The following DYNC2H1 variants were observed in gnomAD, a reference collection of about 807,000 sequenced individuals.
The protein encoded by DYNC2H1 is cytoplasmic dynein 2 heavy chain 1.
DYNC2H1 carries 410 observed loss-of-function variants against 570.0 expected under a neutral mutation model. The observed-to-expected ratio is 0.72, with a 90% CI of 0.66 to 0.78. DYNC2H1 has a LOEUF of 0.78. Ranked by LOEUF, DYNC2H1 falls within the 30% of genes least tolerant of loss-of-function variation. The probability of loss-of-function intolerance (pLI) is 0.00; values close to 1 mark genes in which losing one functional copy is unlikely to be tolerated. For synonymous variants in DYNC2H1, 1,688 were observed against 1,677.6 expected (o/e 1.01, Z -0.15); for missense variants, 4,865 against 5,046.4 (o/e 0.96, Z 1.09).
intron 79 of DYNC2H1, among the ~76,000 whole-genome samples, chr11:103,314,509 A>G (rs961377267): frequency 6.6e-6 from 1 of 152,068 alleles, no homozygotes; most frequent in Admixed American, 6.6e-5. Context: ...ATCCCTATGC[A>G]TGCTTCATTT....
rs760689497 is a variant in DYNC2H1, at chr11:103,259,620, A to G, written c.10606-268A>G. Among the ~76,000 whole-genome samples the G allele has an allele frequency of 9.3e-4, 142 of 152,248 alleles. 1 individual carries two copies. Among genetic ancestry groups the G allele is most frequent in the Non-Finnish European group, 1.2e-3 (82 of 67,978 alleles). On this transcript the variant is annotated intron_variant, in intron 69 of 88. Coordinates refer to ENST00000375735, the MANE Select transcript of DYNC2H1 (RefSeq NM_001377.3). ...GATAGTATTTTAATGCTGATAGGAG[A>G]CTGATATAAAATTCAACTTATATTG...
chr11:103,330,175 C>T (rs963667518), intron 82 of DYNC2H1, among the ~76,000 whole-genome samples: 11 of 152,158 alleles, frequency 7.2e-5, no homozygotes, highest in African/African-American at 2.7e-4. Flanking sequence ...CCCACTGCCA[C>T]GTAAGTGGTA....
At position 103,201,238 on chromosome 11, in the gene DYNC2H1, T is replaced by C. The variant is rs1026722890; in HGVS notation, c.8197+1084T>C. ...AAAAATACCACTTGAAAGAGGACTA[T>C]CTTAATACAAATACTCTCTAGAAAT... On this transcript the variant is annotated intron_variant, in intron 50 of 88. Coordinates refer to ENST00000375735, the MANE Select transcript of DYNC2H1 (RefSeq NM_001377.3). This position sits in a 1 kb window ranked among gnomAD's most constrained non-coding sequence, Gnocchi z 4.8. 9.2e-5 allele frequency among the ~76,000 whole-genome samples: 14 copies of C among 152,208 alleles called. No homozygotes were observed. Among genetic ancestry groups the C allele is most frequent in the Admixed American group, 9.2e-4 (14 of 15,274 alleles).
At chr11:103,117,360 C>T (rs983648973) in intron 5 of DYNC2H1, among the ~76,000 whole-genome samples, 9 of 149,846 alleles carry the variant, frequency 6.0e-5, no homozygotes, top group African/African-American at 1.5e-4. Context: ...ACATGTGCCA[C>T]GTTGGTGTGC....
At chr11:103,188,734 T>C in intron 44 of DYNC2H1, 86 bp downstream of exon 44, 1 of 1,102,926 alleles carries the variant, frequency 9.1e-7, no homozygotes, top group Non-Finnish European at 1.2e-6. Context: ...TGATAATACT[T>C]TAAAATTTAG....
At chr11:103,142,018 C>G (rs561334679) in intron 17 of DYNC2H1, among the ~76,000 whole-genome samples, 53 of 152,330 alleles carry the variant, frequency 3.5e-4, no homozygotes, top group African/African-American at 1.3e-3. Context: ...CAGCCATGTG[C>G]AGGATATAAT....
At chr11:103,221,837 C>G (rs1197250122) in intron 57 of DYNC2H1, among the ~76,000 whole-genome samples, 193 bp from the exon 58 acceptor site, 1 of 152,024 alleles carries the variant, frequency 6.6e-6, no homozygotes, top group Admixed American at 6.6e-5. Flanking sequence ...GCCTGGGTGA[C>G]AGAGCGAGAC....
rs904657395 is a variant in DYNC2H1, at chr11:103,245,012, T to G, written c.9919-239T>G. On this transcript the variant is annotated intron_variant, in intron 64 of 88. Transcript: ENST00000375735. The surrounding 1 kb of genome is among the most constrained non-coding windows in gnomAD (Gnocchi z 4.5). ...GTTCTTTTCAGAATTATCAGACCTA[T>G]CCACCAAGAAAATTTTACTAGAATT... Among the ~76,000 whole-genome samples, 8 of 151,810 alleles carry G rather than the reference T, an allele frequency of 5.3e-5. No homozygotes were observed. The highest frequency in any genetic ancestry group is 1.0e-4 in the Non-Finnish European group (7 of 67,844).
chr11:103,316,129 A>G (rs1037586648), intron 79 of DYNC2H1, among the ~76,000 whole-genome samples: 11 of 152,034 alleles, frequency 7.2e-5, no homozygotes, highest in Non-Finnish European at 1.2e-4. Flanking sequence ...TGTGGGTTCA[A>G]TATGAATGAA....
chr11:103,462,967 TAAACCTATG>T (rs1945070198), intron 87 of DYNC2H1, among the ~76,000 whole-genome samples: 1 of 152,220 alleles, frequency 6.6e-6, no homozygotes, highest in Admixed American at 6.5e-5. Context: ...AGTAAGTGAA[TAAACCTATG>T]AAACAATCAT....
At chr11:103,221,967 A>AT (rs958422472) in intron 57 of DYNC2H1, 63 bp from the exon 58 acceptor site, 224 of 1,563,342 alleles carry the variant, frequency 1.4e-4, no homozygotes, top group Non-Finnish European at 1.7e-4. Flanking sequence ...TGTTAAACTG[A>AT]TTTTTTTTCA....
rs1250515936 is a variant in DYNC2H1 at position 103,228,833 on chromosome 11, G to A, written c.9354-2427G>A. 6.6e-6 allele frequency among the ~76,000 whole-genome samples: 1 copy of A among 152,096 alleles called. No homozygotes were observed. Among genetic ancestry groups the A allele is most frequent in the African/African-American group, 2.4e-5 (1 of 41,424 alleles). ...ACCTTTGTTTTTGGCTACCAGGGTG[G>A]GTAGAGAAAGAACACCTGGTGGGGG... On this transcript the variant is annotated intron_variant, in intron 59 of 88. Transcript: ENST00000375735. This position sits in a 1 kb window ranked among gnomAD's most constrained non-coding sequence, Gnocchi z 6.1.
chr11:103,454,235 C>G (rs1944711237), intron 85 of DYNC2H1, among the ~76,000 whole-genome samples: 1 of 152,056 alleles, frequency 6.6e-6, no homozygotes, highest in South Asian at 2.1e-4. Flanking sequence ...TTTTTCTAGG[C>G]TGTTTATAAA....
At position 103,369,340 on chromosome 11, in the gene DYNC2H1, G is replaced by T. The variant is rs2514403; in HGVS notation, c.12156+10981G>T. On this transcript the variant is annotated intron_variant, in intron 83 of 88. Transcript: ENST00000375735. This position sits in a 1 kb window ranked among gnomAD's most constrained non-coding sequence, Gnocchi z 4.0. ...TCTTGCAAGCCTCACCAAAGCAGGCGGAAGTACTCTGGGGCTCTAAATAAT... is the reference window on the plus strand; with the variant it reads ...TCTTGCAAGCCTCACCAAAGCAGGCTGAAGTACTCTGGGGCTCTAAATAAT... Among the ~76,000 whole-genome samples, 84,083 of 152,014 alleles carry T rather than the reference G, an allele frequency of 0.55. 25,002 individuals carry two copies. The highest frequency in any genetic ancestry group is 0.66 in the Admixed American group (10,127 of 15,268).
Position 103,229,479 on chromosome 11 carries a change from A to G in DYNC2H1, c.9354-1781A>G, listed in dbSNP as rs375411981. ...TTATTCATCTTATTTCCTTTCTTGT[A>G]TACTTTTTGCTTCTTAATATAAGAA... On this transcript the variant is annotated intron_variant, in intron 59 of 88. Transcript: ENST00000375735. Among the ~76,000 whole-genome samples the G allele has an allele frequency of 1.9e-4, 29 of 152,102 alleles. No individual in the cohort carries two copies. The East Asian group carries it at 4.6e-3, about 24-fold the overall frequency.
chr11:103,417,711 A>G (rs1485840039), intron 84 of DYNC2H1, among the ~76,000 whole-genome samples: 1 of 152,016 alleles, frequency 6.6e-6, no homozygotes, highest in Non-Finnish European at 1.5e-5. Context: ...CCGTGTCTCT[A>G]CTAAAAATAC....
chr11:103,373,101 A>G (rs1465614052), intron 83 of DYNC2H1, among the ~76,000 whole-genome samples: 1 of 152,004 alleles, frequency 6.6e-6, no homozygotes, highest in Non-Finnish European at 1.5e-5. Flanking sequence ...GCACCACCAT[A>G]TTAGGCTAAT....
rs623852 is a variant in DYNC2H1, at chr11:103,236,664, G to A, written c.9819+125G>A. 0.78 allele frequency: 393,562 copies of A among 506,656 alleles called. 153,988 individuals are homozygous for A. The highest frequency in any genetic ancestry group is 0.83 in the Admixed American group (22,663 of 27,144). The allele number at this position is 506,656 out of a possible 1,614,324, so 31.4% of individuals were successfully genotyped here. On this transcript the variant is annotated intron_variant, in intron 63 of 88. Coordinates refer to ENST00000375735, the MANE Select transcript of DYNC2H1 (RefSeq NM_001377.3). ...TTTCTTACTAAAATAAAAATATTTTGCTAATGAAAACCCATCAATGATTCA... is the reference window on the plus strand; with the variant it reads ...TTTCTTACTAAAATAAAAATATTTTACTAATGAAAACCCATCAATGATTCA...
At chr11:103,250,384 T>C (rs890151694) in intron 65 of DYNC2H1, among the ~76,000 whole-genome samples, 3 of 152,064 alleles carry the variant, frequency 2.0e-5, no homozygotes, top group Admixed American at 6.6e-5. Flanking sequence ...AGGGGACATA[T>C]GCAGGTTTGT....
Sources: allele counts gnomAD v4.1 joint callset (sites outside exome capture counted in the v4.1 genomes callset), GRCh38; gene constraint gnomAD v4.1.1; non-coding constraint Gnocchi (gnomAD v3.1); transcripts MANE v1.5; gene names NCBI Gene and HGNC (gene_info 2026-07-23, HGNC 2026-07-21).